Variants in ALK observed in about 807,000 individuals in gnomAD.
ALK encodes the protein ALK receptor tyrosine kinase.
ALK carries 74 observed loss-of-function variants against 163.1 expected under a neutral mutation model. The ratio of observed to expected loss-of-function variants is 0.45; its 90% CI spans 0.38 to 0.55. The LOEUF is 0.55. Ranked by LOEUF, ALK falls within the 20% of genes least tolerant of loss-of-function variation. The pLI, the probability that ALK is intolerant of heterozygous loss-of-function variation, is 0.00. For synonymous variants in ALK, 960 were observed against 843.2 expected (o/e 1.14, Z -2.40); for missense variants, 2,063 against 2,105.3 (o/e 0.98, Z 0.39).
intron 4 of ALK, among the ~76,000 whole-genome samples, chr2:29,443,259 G>C (rs547187529): frequency 2.6e-5 from 4 of 152,330 alleles, no homozygotes; most frequent in East Asian, 3.9e-4. Flanking sequence ...CAGGGAGCAG[G>C]TGTCCCTGAG....
At chr2:29,676,987 G>T (rs565447064) in intron 3 of ALK, among the ~76,000 whole-genome samples, 1 of 151,690 alleles carries the variant, frequency 6.6e-6, no homozygotes, top group East Asian at 1.9e-4. Flanking sequence ...TGTATCTGTG[G>T]CCTTGGTAAA....
At chr2:29,743,847 G>T (rs1680130174) in intron 1 of ALK, among the ~76,000 whole-genome samples, 1 of 151,944 alleles carries the variant, frequency 6.6e-6, no homozygotes, top group South Asian at 2.1e-4. Context: ...TATGAGAATT[G>T]CTAGACAATT....
At chr2:29,206,498 C>T (rs1276851329) in intron 26 of ALK, among the ~76,000 whole-genome samples, 1 of 152,060 alleles carries the variant, frequency 6.6e-6, no homozygotes, top group Non-Finnish European at 1.5e-5. Flanking sequence ...TCTTGAACTC[C>T]TGGGCTCGAG....
intron 16 of ALK, among the ~76,000 whole-genome samples, chr2:29,228,587 G>T (rs1664083899): frequency 6.6e-6 from 1 of 152,064 alleles, no homozygotes; most frequent in Non-Finnish European, 1.5e-5. Context: ...GAGTCCTTAT[G>T]GGTGACTCAG....
Position 29,233,963 on chromosome 2 carries a change from G to A in ALK, c.2356-267C>T, listed in dbSNP as rs75360397. Among the ~76,000 whole-genome samples the A allele has an allele frequency of 4.9e-3, 751 of 152,280 alleles. 5 individuals are homozygous for A. Among genetic ancestry groups the A allele is most frequent in the African/African-American group, 0.017 (692 of 41,566 alleles). The stretch of plus-strand genomic sequence containing the variant: ...GCTGTGAGGACTGCTTGTAGGAGGC[G>A]GCTTTTAGTTGAGCCTTGAAGGATA... On this transcript the variant is annotated intron_variant, in intron 13 of 28. Coordinates refer to ENST00000389048, the MANE Select transcript of ALK (RefSeq NM_004304.5).
intron 3 of ALK, among the ~76,000 whole-genome samples, chr2:29,591,054 C>G (rs966284209): frequency 1.4e-4 from 16 of 112,140 alleles, no homozygotes; most frequent in Admixed American, 8.0e-4. Context: ...CTGGGAGACA[C>G]AGCGAGACTC....
chr2:29,682,103 G>A (rs958124210), intron 3 of ALK, among the ~76,000 whole-genome samples: 1 of 152,182 alleles, frequency 6.6e-6, no homozygotes, highest in Non-Finnish European at 1.5e-5. Flanking sequence ...AATCTTGCTG[G>A]TTCTGCCTAT....
chr2:29,429,333 G>A (rs910628062), intron 4 of ALK, among the ~76,000 whole-genome samples: 1 of 151,870 alleles, frequency 6.6e-6, no homozygotes, highest in African/African-American at 2.4e-5. Context: ...ATTTGCAAAT[G>A]ACATAACCTT....
intron 26 of ALK, among the ~76,000 whole-genome samples, chr2:29,200,999 T>C (rs1459730906): frequency 6.6e-6 from 1 of 151,562 alleles, no homozygotes; most frequent in Non-Finnish European, 1.5e-5. Flanking sequence ...GATAATCTGA[T>C]AAAAGATTTT....
chr2:29,657,071 G>A (rs1311707597), intron 3 of ALK, among the ~76,000 whole-genome samples: 1 of 152,156 alleles, frequency 6.6e-6, no homozygotes, highest in African/African-American at 2.4e-5. Flanking sequence ...CAAGGAGGAT[G>A]AACCAATAGG....
At chr2:29,454,960 G>T (rs1350652505) in intron 4 of ALK, among the ~76,000 whole-genome samples, 9 of 152,132 alleles carry the variant, frequency 5.9e-5, no homozygotes, top group Non-Finnish European at 2.9e-5. Flanking sequence ...GAGGAAGCGG[G>T]CTCAGAGAAG....
intron 1 of ALK, among the ~76,000 whole-genome samples, chr2:29,811,988 G>A (rs2148372096): frequency 6.6e-6 from 1 of 152,294 alleles, no homozygotes; most frequent in African/African-American, 2.4e-5. Context: ...AAACACACAT[G>A]GCAAAGATGA....
At chr2:29,533,686 G>A (rs1378670900) in intron 3 of ALK, among the ~76,000 whole-genome samples, 2 of 152,160 alleles carry the variant, frequency 1.3e-5, no homozygotes, top group African/African-American at 2.4e-5. Context: ...TTTAATGGAT[G>A]CCTATTTTGA....
chr2:29,242,385 A>G (rs900948648), intron 12 of ALK, among the ~76,000 whole-genome samples: 12 of 152,240 alleles, frequency 7.9e-5, no homozygotes, highest in African/African-American at 2.9e-4. Context: ...TTGCATAGTC[A>G]TTTGCATCAA....
At chr2:29,692,999 C>T (rs1285650045) in intron 3 of ALK, among the ~76,000 whole-genome samples, 1 of 152,124 alleles carries the variant, frequency 6.6e-6, no homozygotes, top group Non-Finnish European at 1.5e-5. Flanking sequence ...ACATGCAAAC[C>T]TAGTCAATAT....
intron 3 of ALK, among the ~76,000 whole-genome samples, chr2:29,587,660 C>T (rs555330739): frequency 2.0e-4 from 31 of 152,280 alleles, no homozygotes; most frequent in African/African-American, 7.5e-4. Flanking sequence ...CTTCCTTTGA[C>T]TTCTTTCGAT....
chr2:29,668,966 C>G (rs1017038754), intron 3 of ALK, among the ~76,000 whole-genome samples: 5 of 152,054 alleles, frequency 3.3e-5, no homozygotes, highest in African/African-American at 1.2e-4. Flanking sequence ...AGACCTGCCC[C>G]CATGATTCAA....
rs747946035 is a variant in ALK at position 29,193,344 on chromosome 2, A to G, written c.4743T>C (p.Asn1581=). 5.0e-6 allele frequency: 8 copies of G among 1,614,048 alleles called. No homozygotes were observed. Among genetic ancestry groups the G allele is most frequent in the Admixed American group, 1.7e-5 (1 of 60,012 alleles). ...LFRLRHFPCG[N]VNYGYQQQGL... The stretch of plus-strand genomic sequence containing the variant: ...CCTGTTGCTGGTAGCCGTAATTGAC[A>G]TTCCCACAAGGGAAGTGACGTAGCC... The change falls in exon 29 of 29, where the codon AAT becomes AAC. Residue 1581 remains asparagine (N), a synonymous_variant. Transcript: ENST00000389048.
At chr2:29,260,055 T>A (rs1041110181) in intron 11 of ALK, among the ~76,000 whole-genome samples, 1 of 152,210 alleles carries the variant, frequency 6.6e-6, no homozygotes, top group Admixed American at 6.5e-5. Flanking sequence ...GTGTCATCTT[T>A]TTCATTTTAA....
Sources: gnomAD v4.1 joint callset for allele counts (sites outside exome capture counted in the v4.1 genomes callset) on GRCh38, gnomAD v4.1.1 for gene constraint, MANE v1.5 for transcripts, NCBI Gene and HGNC (gene_info 2026-07-23, HGNC 2026-07-21) for gene names.